The following STRBP variants were observed in gnomAD, a reference collection of about 807,000 sequenced individuals.
STRBP encodes spermatid perinuclear RNA binding protein.
A neutral mutation model predicts 80.1 loss-of-function variants in STRBP; 13 were observed. The ratio of observed to expected loss-of-function variants is 0.16; its 90% CI spans 0.11 to 0.26. The LOEUF (loss-of-function observed/expected upper bound fraction) is 0.26, where lower values mean the gene tolerates loss of function less well. Ranked by LOEUF, STRBP falls within the 10% of genes least tolerant of loss-of-function variation. STRBP has a pLI of 1.00. For missense variants in STRBP, 485 were observed against 815.2 expected, an observed-to-expected ratio of 0.59 and a Z score of 4.93; for synonymous variants, 284 against 291.2, an observed-to-expected ratio of 0.98 and a Z score of 0.25.
intron 2 of STRBP, among the ~76,000 whole-genome samples, chr9:123,215,533 C>T (rs1370202395): frequency 2.0e-5 from 3 of 152,188 alleles, no homozygotes; most frequent in Middle Eastern, 3.2e-3. Context: ...GTGGCTCATG[C>T]CTGTAATCCC....
At chr9:123,178,099 ACT>A (rs1461236517) in intron 4 of STRBP, among the ~76,000 whole-genome samples, 5 of 152,220 alleles carry the variant, frequency 3.3e-5, no homozygotes, top group African/African-American at 1.2e-4. Flanking sequence ...AAACTGACAC[ACT>A]GATTATCTTT....
intron 2 of STRBP, among the ~76,000 whole-genome samples, chr9:123,206,106 C>G (rs906129516): frequency 6.6e-6 from 1 of 152,206 alleles, no homozygotes; most frequent in African/African-American, 2.4e-5. Flanking sequence ...CAATTCTGAG[C>G]CTCAATTCCA....
chr9:123,162,106 G>A (rs113711310), intron 6 of STRBP, among the ~76,000 whole-genome samples: 3 of 152,206 alleles, frequency 2.0e-5, no homozygotes, highest in African/African-American at 7.2e-5. Context: ...TAGCGCATTT[G>A]TGTGGGCCAA....
chr9:123,202,331 T>A (rs913635885), intron 2 of STRBP, among the ~76,000 whole-genome samples: 1 of 152,272 alleles, frequency 6.6e-6, no homozygotes, highest in Admixed American at 6.5e-5. Flanking sequence ...TTTTAAGCTT[T>A]CCACTTTGGT....
intron 5 of STRBP, among the ~76,000 whole-genome samples, chr9:123,170,630 T>C (rs2037968896): frequency 1.3e-5 from 2 of 152,208 alleles, no homozygotes; most frequent in Admixed American, 1.3e-4. Context: ...CTCAGAGATC[T>C]TCCAATGGGA....
In STRBP at chr9:123,157,386, T is replaced by C. The variant is rs774907146; in HGVS notation, c.1045+626A>G. ...TCTGAAAGTATAGTCTATGCAGTAA[T>C]GGCATCTGGCCAACATAGCCAAATG... On this transcript the variant is annotated intron_variant, in intron 11 of 18. Transcript: ENST00000348403. 1.0e-3 allele frequency among the ~76,000 whole-genome samples: 153 copies of C among 152,206 alleles called. 5 individuals carry two copies. The highest frequency in any genetic ancestry group is 3.1e-4 in the Non-Finnish European group (21 of 68,032).
At chr9:123,176,278 T>G (rs551495847) in intron 4 of STRBP, among the ~76,000 whole-genome samples, 1 of 152,330 alleles carries the variant, frequency 6.6e-6, no homozygotes, top group East Asian at 1.9e-4. Context: ...AAGTGCTACC[T>G]CCTTCATGGA....
chr9:123,124,851 G>C lies in STRBP; in HGVS notation c.*746C>G, dbSNP rs192698770. 1.0e-6 allele frequency: 1 copy of C among 985,320 alleles called. No homozygotes were observed. The highest frequency in any genetic ancestry group is 1.1e-4 in the East Asian group (1 of 8,826). 61.0% of individuals were successfully genotyped at this position (985,320 alleles called of 1,614,324 possible). A position where few individuals can be genotyped will look rare whatever the true frequency, so the allele number is the denominator to read the frequency against. On this transcript the variant is annotated 3_prime_UTR_variant, in exon 19 of 19. Coordinates refer to ENST00000348403, the MANE Select transcript of STRBP (RefSeq NM_018387.5). Reference sequence around the variant, plus strand: ...AACAGAATGGAACCTTTATCATGGGGATGGCCCTTGTACAACAGGAGTACA... The same window carrying C: ...AACAGAATGGAACCTTTATCATGGGCATGGCCCTTGTACAACAGGAGTACA...
At chr9:123,169,839 T>C in intron 6 of STRBP, 63 bp downstream of exon 6, 1 of 1,017,600 alleles carries the variant, frequency 9.8e-7, no homozygotes, top group Non-Finnish European at 1.3e-6. Context: ...ATAGCTTTTA[T>C]ATGAAGAAAA....
chr9:123,206,881 G>A (rs548248688), intron 2 of STRBP, among the ~76,000 whole-genome samples: 9 of 152,102 alleles, frequency 5.9e-5, no homozygotes, highest in Non-Finnish European at 8.8e-5. Context: ...CAGGTGATCC[G>A]CCCACCTTGG....
chr9:123,227,192 A>G (rs557594875), intron 2 of STRBP, among the ~76,000 whole-genome samples: 1 of 152,330 alleles, frequency 6.6e-6, no homozygotes, highest in East Asian at 1.9e-4. Flanking sequence ...TCAATGTTAA[A>G]TGTTATGCAA....
chr9:123,160,629 T>A (rs533113771), intron 7 of STRBP, among the ~76,000 whole-genome samples, 167 bp from the exon 8 acceptor site: 3 of 152,316 alleles, frequency 2.0e-5, no homozygotes, highest in African/African-American at 7.2e-5. Context: ...AGGTACATTT[T>A]AAAAATAAAA....
At chr9:123,253,688 ATTC>A (rs2132635740) in intron 1 of STRBP, among the ~76,000 whole-genome samples, 2 of 152,368 alleles carry the variant, frequency 1.3e-5, no homozygotes, top group South Asian at 4.1e-4. Context: ...CAGCATTATT[ATTC>A]ATTATGTGCC....
At chr9:123,240,339 C>A (rs576345766) in intron 1 of STRBP, among the ~76,000 whole-genome samples, 1 of 152,264 alleles carries the variant, frequency 6.6e-6, no homozygotes, top group East Asian at 1.9e-4. Flanking sequence ...GCCCACCACA[C>A]CGAAATCTAG....
rs568381135 is a variant in STRBP at position 123,185,412 on chromosome 9, G to C, written c.-164-1114C>G. ...CGATACCCTATCTCTTTAAAAAAAT[G>C]ATACTATTTAACAGAAGAGATTCTA... On this transcript the variant is annotated intron_variant, in intron 2 of 18. Transcript: ENST00000348403. Among the ~76,000 whole-genome samples the C allele has an allele frequency of 7.9e-5, 12 of 152,094 alleles. No individual in the cohort carries two copies. In the East Asian group the frequency reaches 2.1e-3, roughly 27 times the overall value.
At chr9:123,139,865 T>A (rs1346714124) in intron 13 of STRBP, among the ~76,000 whole-genome samples, 178 bp from the exon 14 acceptor site, 2 of 152,156 alleles carry the variant, frequency 1.3e-5, no homozygotes, top group East Asian at 3.8e-4. Context: ...CCTACCAGGG[T>A]AGCACCATGG....
chr9:123,140,906 T>A (rs544195679), intron 13 of STRBP, among the ~76,000 whole-genome samples: 1 of 152,358 alleles, frequency 6.6e-6, no homozygotes, highest in Admixed American at 6.5e-5. Context: ...TACTGCTTTT[T>A]AGATGTTTAC....
At position 123,136,907 on chromosome 9, in the gene STRBP, GA is replaced by G. The variant is rs539741433; in HGVS notation, c.1498-393del. 2.1e-4 allele frequency among the ~76,000 whole-genome samples: 32 copies of G among 152,278 alleles called. No individual in the cohort carries two copies. Among genetic ancestry groups the G allele is most frequent in the African/African-American group, 7.5e-4 (31 of 41,562 alleles). ...CATCATTTTTCTTCTTTAGGGTTAG[GA>G]AGAAATAACTCTCAATTTGGGATGT... is the stretch of plus-strand genomic sequence containing the variant. On this transcript the variant is annotated intron_variant, in intron 14 of 18. Transcript: ENST00000348403. This position sits in a 1 kb window ranked among gnomAD's most constrained non-coding sequence, Gnocchi z 4.2.
intron 1 of STRBP, among the ~76,000 whole-genome samples, chr9:123,259,666 G>A (rs113593843): frequency 4.2e-3 from 642 of 152,222 alleles, no homozygotes; most frequent in Non-Finnish European, 7.3e-3. Flanking sequence ...CCGAGATCAC[G>A]CCATTGCACT....
Sources: allele counts gnomAD v4.1 joint callset (sites outside exome capture counted in the v4.1 genomes callset), GRCh38; gene constraint gnomAD v4.1.1; non-coding constraint Gnocchi (gnomAD v3.1); transcripts MANE v1.5; gene names NCBI Gene and HGNC (gene_info 2026-07-23, HGNC 2026-07-21).